The following GABPB2 variants were observed in gnomAD, a reference collection of about 807,000 sequenced individuals.
GABPB2 encodes GA-binding protein subunit beta-2.
In GABPB2, 23 loss-of-function variants were observed where a neutral mutation model predicts 39.1. That is an observed-to-expected ratio of 0.59 (90% CI 0.42 to 0.83). GABPB2 has a LOEUF of 0.83. Ranked by LOEUF, GABPB2 falls within the 40% of genes least tolerant of loss-of-function variation. The probability of loss-of-function intolerance (pLI) is 0.00; values close to 1 mark genes in which losing one functional copy is unlikely to be tolerated. For missense variants in GABPB2, 467 were observed against 541.1 expected, an observed-to-expected ratio of 0.86 and a Z score of 1.36; for synonymous variants, 184 against 199.3, an observed-to-expected ratio of 0.92 and a Z score of 0.65.
chr1:151,088,052 G>T, intron 1 of GABPB2, 138 bp from the exon 2 acceptor site: 1 of 612,410 alleles, frequency 1.6e-6, no homozygotes, highest in Admixed American at 2.9e-5. Context: ...AGGTAGAAAG[G>T]AAGTGACCTA....
At chr1:151,082,356 C>G (rs1026389156) in intron 1 of GABPB2, among the ~76,000 whole-genome samples, 3 of 137,910 alleles carry the variant, frequency 2.2e-5, no homozygotes, top group African/African-American at 8.1e-5. Context: ...GGATTACATG[C>G]GTGAGCCACT....
At position 151,117,527 on chromosome 1, in the gene GABPB2, T is replaced by C. The variant is rs758977182; in HGVS notation, c.1047+11T>C. 1.9e-6 allele frequency: 3 copies of C among 1,612,312 alleles called. No individual in the cohort carries two copies. In the East Asian group the frequency reaches 6.7e-5, roughly 36 times the overall value. Reference sequence around the variant, plus strand: ...GTGGAGGAAAGCAAGGTAATGTTTTTAGGAGTGATGAAAAGAATTTAAAGC... The same window carrying C: ...GTGGAGGAAAGCAAGGTAATGTTTTCAGGAGTGATGAAAAGAATTTAAAGC... On this transcript the variant is annotated intron_variant, in intron 8 of 8. Transcript: ENST00000368918.
At chr1:151,113,819 C>T (rs995912378) in intron 7 of GABPB2, among the ~76,000 whole-genome samples, 10 of 152,298 alleles carry the variant, frequency 6.6e-5, no homozygotes, top group African/African-American at 2.2e-4. Context: ...TGCCCATCCT[C>T]TACTTTGTCA....
At position 151,092,406 on chromosome 1, in the gene GABPB2, TTTTTTTAA is replaced by T. The variant is rs759744510; in HGVS notation, c.277-785_277-778del. Among the ~76,000 whole-genome samples, 1,443 of 151,610 alleles carry T rather than the reference TTTTTTTAA, an allele frequency of 9.5e-3. 10 individuals carry two copies. The highest frequency in any genetic ancestry group is 0.015 in the Non-Finnish European group (1,012 of 67,886). ...AGGCGTGAGCCACCGCACCCAGCCA[TTTTTTTAA>T]AATCATATTTAAAAAAAAAATACAG... On this transcript the variant is annotated intron_variant, in intron 3 of 8. Coordinates refer to ENST00000368918, the MANE Select transcript of GABPB2 (RefSeq NM_144618.3).
chr1:151,112,236 A>AAC (rs1236516067), intron 7 of GABPB2: 3 of 151,240 alleles, frequency 2.0e-5, no homozygotes, highest in South Asian at 2.1e-4. Flanking sequence ...AAAAAAAAAA[A>AAC]AAAAAAAAAA....
chr1:151,082,244 T>C (rs1043913305), intron 1 of GABPB2, among the ~76,000 whole-genome samples: 1 of 149,792 alleles, frequency 6.7e-6, no homozygotes, highest in Non-Finnish European at 1.5e-5. Flanking sequence ...GCCCAGCTAA[T>C]TTTTGTATTT....
rs1678578640 is a variant in GABPB2, at chr1:151,090,517, C to T, written c.220C>T (p.Pro74Ser). ...RDARTKVDRT[P>S]LHMAAADGHA... ...TGCCCGGACTAAAGTAGACAGGACC[C>T]CCTTGCACATGGCTGCAGCCGATGG... The change falls in exon 3 of 9, where the codon CCC becomes TCC. Residue 74 changes from proline (P) to serine (S), a missense_variant. Transcript: ENST00000368918. The T allele has an allele frequency of 6.2e-7, 1 of 1,613,986 alleles. No homozygotes were observed. The highest frequency in any genetic ancestry group is 1.3e-5 in the African/African-American group (1 of 74,926).
At chr1:151,112,237 A>AAC (rs980962444) in intron 7 of GABPB2, 7 of 151,216 alleles carry the variant, frequency 4.6e-5, no homozygotes, top group East Asian at 1.9e-4. Context: ...AAAAAAAAAA[A>AAC]AAAAAAAAAA....
chr1:151,082,392 CTTTTTTTTTTTTT>C (rs35044606), intron 1 of GABPB2, among the ~76,000 whole-genome samples: 1 of 48,012 alleles, frequency 2.1e-5, no homozygotes, highest in Non-Finnish European at 3.5e-5. Flanking sequence ...GTGGTAATTT[CTTTTTTTTTTTTT>C]TTTTTTTTTT....
At chr1:151,099,570 C>T (rs184686111) in intron 5 of GABPB2, among the ~76,000 whole-genome samples, 5 of 152,220 alleles carry the variant, frequency 3.3e-5, no homozygotes, top group Admixed American at 2.6e-4. Context: ...AATAAATTTT[C>T]CAGTTGACTA....
chr1:151,079,288 C>T (rs1271865049), intron 1 of GABPB2, among the ~76,000 whole-genome samples: 2 of 152,038 alleles, frequency 1.3e-5, no homozygotes, highest in Non-Finnish European at 2.9e-5. Context: ...CGCCTGTAAT[C>T]CCAGCACTTT....
chr1:151,077,663 A>G (rs1677292561), intron 1 of GABPB2, among the ~76,000 whole-genome samples: 1 of 152,052 alleles, frequency 6.6e-6, no homozygotes, highest in Non-Finnish European at 1.5e-5. Context: ...CTTTAAAAAA[A>G]AAAGAGAGGC....
At chr1:151,102,347 G>A (rs1020189186) in intron 5 of GABPB2, among the ~76,000 whole-genome samples, 6 of 152,058 alleles carry the variant, frequency 3.9e-5, no homozygotes, top group African/African-American at 1.4e-4. Context: ...AAAAATAAAA[G>A]TACATCTTGA....
chr1:151,117,565 G>A (rs771919882), intron 8 of GABPB2, 49 bp downstream of exon 8: 13 of 1,577,536 alleles, frequency 8.2e-6, no homozygotes, highest in Non-Finnish European at 8.6e-7. Context: ...TAATTATTAA[G>A]GCCTGAACCC....
chr1:151,104,793 C>CT (rs1558151398), intron 6 of GABPB2, among the ~76,000 whole-genome samples: 2 of 55,682 alleles, frequency 3.6e-5, no homozygotes, highest in Admixed American at 4.0e-4. Context: ...TTCTTTCTTT[C>CT]TTTCTTTCTT....
At chr1:151,080,911 C>A (rs1244463528) in intron 1 of GABPB2, among the ~76,000 whole-genome samples, 4 of 149,172 alleles carry the variant, frequency 2.7e-5, no homozygotes, top group Admixed American at 2.7e-4. Context: ...CTCGCTCTGT[C>A]CCCCAGGCTG....
intron 1 of GABPB2, among the ~76,000 whole-genome samples, chr1:151,072,845 C>CACAA (rs749172532): frequency 3.1e-4 from 47 of 152,196 alleles, no homozygotes; most frequent in South Asian, 6.2e-4. Context: ...AAAACTCCAT[C>CACAA]ACAAACAAAC....
chr1:151,115,191 T>C (rs2101572274), intron 7 of GABPB2, among the ~76,000 whole-genome samples: 1 of 151,472 alleles, frequency 6.6e-6, no homozygotes, highest in Admixed American at 6.6e-5. Context: ...AGAAACCCCA[T>C]CTCTACTAAA....
intron 1 of GABPB2, among the ~76,000 whole-genome samples, chr1:151,072,381 G>A (rs1308510516): frequency 1.3e-5 from 2 of 151,438 alleles, no homozygotes; most frequent in Non-Finnish European, 2.9e-5. Context: ...ACCCCTGTCG[G>A]TACAGAGAAA....
Sources: gnomAD v4.1 joint callset for allele counts (sites outside exome capture counted in the v4.1 genomes callset) on GRCh38, gnomAD v4.1.1 for gene constraint, MANE v1.5 for transcripts, NCBI Gene and HGNC (gene_info 2026-07-23, HGNC 2026-07-21) for gene names.